The following ATM variants were observed in gnomAD, a reference collection of about 807,000 sequenced individuals.
ATM encodes serine-protein kinase ATM.
In ATM, 308 loss-of-function variants were observed where a neutral mutation model predicts 387.0. The ratio of observed to expected loss-of-function variants is 0.80; its 90% confidence interval spans 0.73 to 0.87. The LOEUF (loss-of-function observed/expected upper bound fraction) is 0.87. Among genes scored for constraint, ATM ranks in the 40% least tolerant of loss-of-function variants. The probability of loss-of-function intolerance (pLI) is 0.00; values close to 1 mark genes in which losing one functional copy is unlikely to be tolerated. For missense variants in ATM, 3,312 were observed against 3,560.9 expected (o/e 0.93, Z 1.78); for synonymous variants, 1,156 against 1,187.3 (o/e 0.97, Z 0.54).
intron 45 of ATM, among the ~76,000 whole-genome samples, chr11:108,324,986 A>G (rs1388895148): frequency 6.6e-6 from 1 of 152,114 alleles, no homozygotes; most frequent in Non-Finnish European, 1.5e-5. Context: ...ATTCTTTATG[A>G]TAGGTCTGAT....
At chr11:108,269,140 A>C (rs1225117727) in intron 18 of ATM, among the ~76,000 whole-genome samples, 1 of 152,174 alleles carries the variant, frequency 6.6e-6, no homozygotes, top group Non-Finnish European at 1.5e-5. Context: ...CTTATACTTC[A>C]GTGTATATTT....
At position 108,335,937 on chromosome 11, in the gene ATM, G is replaced by T; in HGVS notation, c.8244G>T (p.Arg2748Ser). Residue 2748 changes from arginine (R) to serine (S), a missense_variant, in exon 56 of 63, where the codon AGG (arginine) becomes AGT (serine). By Grantham distance (110) the Arg-to-Ser change is moderately radical (BLOSUM62 -1). Transcript: ENST00000675843. ...LLQRNTETRK[R>S]KLTICTYKVV... ...AGAGAAACACGGAAACTAGGAAGAGGAAATTAACTATCTGTACTTATAAGG... is the reference window on the plus strand; with the variant it reads ...AGAGAAACACGGAAACTAGGAAGAGTAAATTAACTATCTGTACTTATAAGG... The T allele has an allele frequency of 6.2e-7, 1 of 1,612,598 alleles. No individual in the cohort carries two copies. The highest frequency in any genetic ancestry group is 1.3e-5 in the African/African-American group (1 of 74,938).
intron 45 of ATM, among the ~76,000 whole-genome samples, chr11:108,322,108 A>G (rs370898646): frequency 3.3e-5 from 5 of 151,736 alleles, no homozygotes; most frequent in South Asian, 2.1e-4. Context: ...GAACCATTCT[A>G]TTGTTTATTG....
At chr11:108,252,466 G>T (rs577315689) in intron 11 of ATM, among the ~76,000 whole-genome samples, 1 of 152,126 alleles carries the variant, frequency 6.6e-6, no homozygotes, top group East Asian at 1.9e-4. Context: ...GGAGTCCCTC[G>T]TCCACTTAAC....
intron 35 of ATM, 91 bp downstream of exon 35, chr11:108,301,880 A>G (rs2135918403): frequency 7.4e-7 from 1 of 1,355,316 alleles, no homozygotes. Flanking sequence ...TGCTTGAAAT[A>G]GTATTGTACT....
rs532102320 is a variant in ATM at position 108,234,838 on chromosome 11, C to T, written c.332-832C>T. Among the ~76,000 whole-genome samples the T allele has an allele frequency of 7.9e-5, 8 of 101,756 alleles. No homozygotes were observed. In the East Asian group the frequency reaches 2.0e-3, roughly 25 times the overall value. 66.8% of individuals were successfully genotyped at this position (101,756 alleles called of 152,430 possible). A position where few individuals can be genotyped will look rare whatever the true frequency, so the allele number is the denominator to read the frequency against. ...CCTGGGTGATAGAGCGAGACCCTGT[C>T]TTAAAAAAAAAAATTACAACCTGAG... is the stretch of plus-strand genomic sequence containing the variant. On this transcript the variant is annotated intron_variant, in intron 4 of 62. Transcript: ENST00000675843.
At chr11:108,357,671 C>G (rs1455111921) in intron 61 of ATM, among the ~76,000 whole-genome samples, 1 of 152,160 alleles carries the variant, frequency 6.6e-6, no homozygotes. Context: ...GGAGGCACCC[C>G]CCAGCAGGGG....
At chr11:108,260,840 G>A (rs2080826719) in intron 16 of ATM, among the ~76,000 whole-genome samples, 1 of 152,216 alleles carries the variant, frequency 6.6e-6, no homozygotes, top group African/African-American at 2.4e-5. Context: ...AGTGCAAGGG[G>A]TCAGGGAGTT....
chr11:108,300,875 T>C (rs2083390807), intron 34 of ATM, among the ~76,000 whole-genome samples: 2 of 141,528 alleles, frequency 1.4e-5, no homozygotes, highest in Admixed American at 8.0e-5. Flanking sequence ...AATTCATCTC[T>C]CTCTTTTTTT....
chr11:108,345,373 G>A (rs1476951805), intron 57 of ATM, among the ~76,000 whole-genome samples: 1 of 152,190 alleles, frequency 6.6e-6, no homozygotes, highest in Non-Finnish European at 1.5e-5. Context: ...GGATTCTTCT[G>A]TTCTTTCTCT....
chr11:108,317,600 A>G, intron 43 of ATM, 79 bp downstream of exon 43: 6 of 976,230 alleles, frequency 6.1e-6, no homozygotes, highest in Non-Finnish European at 8.8e-6. Context: ...TTCTATGAAT[A>G]TAACAGGAGT....
At chr11:108,348,999 C>T (rs1429954549) in intron 59 of ATM, among the ~76,000 whole-genome samples, 1 of 152,094 alleles carries the variant, frequency 6.6e-6, no homozygotes, top group Admixed American at 6.5e-5. Context: ...CCAGAATCTT[C>T]AGCAAATAGA....
At chr11:108,360,222 T>C (rs1292737137) in intron 61 of ATM, among the ~76,000 whole-genome samples, 2 of 150,412 alleles carry the variant, frequency 1.3e-5, no homozygotes, top group Non-Finnish European at 3.0e-5. Context: ...CCTCGACACA[T>C]ACACTCTCCC....
At chr11:108,284,549 A>T (rs1051536527) in intron 26 of ATM, 76 bp downstream of exon 26, 3 of 1,546,728 alleles carry the variant, frequency 1.9e-6, no homozygotes, top group Non-Finnish European at 2.7e-6. Context: ...AAGGCTATTT[A>T]TTCGATTTAT....
chr11:108,268,742 C>A, intron 18 of ATM, 133 bp downstream of exon 18: 1 of 992,296 alleles, frequency 1.0e-6, no homozygotes, highest in Non-Finnish European at 1.5e-6. Context: ...GAACCTGAGA[C>A]TAGTTGGAAA....
chr11:108,353,234 C>T (rs1299566033), intron 59 of ATM, among the ~76,000 whole-genome samples: 2 of 151,988 alleles, frequency 1.3e-5, no homozygotes, highest in Non-Finnish European at 2.9e-5. Context: ...ATGTATCCTT[C>T]ACCTCCCAGG....
intron 20 of ATM, among the ~76,000 whole-genome samples, chr11:108,272,124 C>G (rs1237480946): frequency 6.6e-6 from 1 of 152,162 alleles, no homozygotes; most frequent in Non-Finnish European, 1.5e-5. Flanking sequence ...ATCTGCCCAC[C>G]TTGGCCTCCC....
At position 108,301,630 on chromosome 11, in the gene ATM, T is replaced by C. The variant is rs1057522381; in HGVS notation, c.5178-18T>C. 1.2e-6 allele frequency: 2 copies of C among 1,613,350 alleles called. No homozygotes were observed. Among genetic ancestry groups the C allele is most frequent in the Non-Finnish European group, 1.7e-6 (2 of 1,179,530 alleles). On this transcript the variant is annotated intron_variant, in intron 34 of 62. Transcript: ENST00000675843. ...AATAACTGGTGTACTTGATAGGCAT[T>C]TGAATTGTTTTTTTCAGTGTCAAAG...
chr11:108,310,069 A>AGTC (rs1204554731), intron 38 of ATM, 91 bp from the exon 39 acceptor site: 1 of 1,346,342 alleles, frequency 7.4e-7, no homozygotes, highest in East Asian at 2.4e-5. Context: ...TCTGTTAAGC[A>AGTC]GTCACTACCA....
Sources: allele counts gnomAD v4.1 joint callset (sites outside exome capture counted in the v4.1 genomes callset), GRCh38; gene constraint gnomAD v4.1.1; transcripts MANE v1.5; gene names NCBI Gene and HGNC (gene_info 2026-07-23, HGNC 2026-07-21).